The following BMP3 variants were observed in gnomAD, a reference collection of about 807,000 sequenced individuals.
BMP3 encodes bone morphogenetic protein 3 (osteogenic).
A neutral mutation model predicts 38.1 loss-of-function variants in BMP3; 23 were observed. That is an observed-to-expected ratio of 0.60 (90% CI 0.43 to 0.86). The LOEUF (loss-of-function observed/expected upper bound fraction) is 0.86. Among genes scored for constraint, BMP3 ranks in the 40% least tolerant of loss-of-function variants. The pLI is 0.00. For missense variants in BMP3, 628 were observed against 579.6 expected, an observed-to-expected ratio of 1.08 and a Z score of -0.86; for synonymous variants, 258 against 225.7, an observed-to-expected ratio of 1.14 and a Z score of -1.28.
At chr4:81,051,206 A>ATTT (rs1740393148) in intron 2 of BMP3, among the ~76,000 whole-genome samples, 1 of 152,136 alleles carries the variant, frequency 6.6e-6, no homozygotes, top group African/African-American at 2.4e-5. Flanking sequence ...TTCCTAGGAA[A>ATTT]CACCCATGAA....
intron 2 of BMP3, among the ~76,000 whole-genome samples, chr4:81,049,674 AAAAAG>A (rs2109911926): frequency 6.6e-6 from 1 of 152,278 alleles, no homozygotes; most frequent in South Asian, 2.1e-4. Flanking sequence ...TACGGTGACC[AAAAAG>A]ATGGGAAACA....
At chr4:81,032,660 G>T (rs1000641037) in intron 1 of BMP3, among the ~76,000 whole-genome samples, 9 of 152,316 alleles carry the variant, frequency 5.9e-5, no homozygotes, top group Non-Finnish European at 5.9e-5. Flanking sequence ...AGTCAATACT[G>T]TCAGAATCAC....
intron 1 of BMP3, among the ~76,000 whole-genome samples, chr4:81,044,713 G>A (rs1740184054): frequency 1.3e-5 from 2 of 152,058 alleles, no homozygotes; most frequent in Admixed American, 6.5e-5. Flanking sequence ...CCATATAAAT[G>A]GAATCAAACA....
At chr4:81,051,101 C>T (rs1740390754) in intron 2 of BMP3, among the ~76,000 whole-genome samples, 1 of 151,848 alleles carries the variant, frequency 6.6e-6, no homozygotes, top group African/African-American at 2.4e-5. Context: ...GGCTTCTGTC[C>T]AAATTCCAGT....
intron 1 of BMP3, among the ~76,000 whole-genome samples, chr4:81,032,594 T>C (rs1004064522): frequency 5.9e-5 from 9 of 152,264 alleles, no homozygotes; most frequent in African/African-American, 2.2e-4. Context: ...AAAGCCTGTC[T>C]TCAGTGAACA....
rs145297209 is a variant in BMP3 at position 81,046,464 on chromosome 4, C to G, written c.1043C>G (p.Thr348Arg). ...QRKGPHRKSQTLQFDEQTLKK... is the reference protein window; with the variant it reads ...QRKGPHRKSQRLQFDEQTLKK... Reference sequence around the variant, plus strand: ...AAGGGGCCTCATCGGAAGAGCCAGACGCTCCAATTTGATGAGCAGACCCTG... The same window carrying G: ...AAGGGGCCTCATCGGAAGAGCCAGAGGCTCCAATTTGATGAGCAGACCCTG... Residue 348 changes from threonine (T) to arginine (R), a missense_variant, in exon 2 of 3, where the codon ACG (threonine) becomes AGG (arginine). By Grantham distance (71) the Thr-to-Arg change is moderately conservative. Coordinates refer to ENST00000282701, the MANE Select transcript of BMP3 (RefSeq NM_001201.5). The G allele has an allele frequency of 6.2e-7, 1 of 1,613,976 alleles. No homozygotes were observed. The highest frequency in any genetic ancestry group is 1.1e-5 in the South Asian group (1 of 91,070).
chr4:81,032,194 CAAAAAAAAAAAAAA>C (rs5859748), intron 1 of BMP3, among the ~76,000 whole-genome samples: 2 of 74,036 alleles, frequency 2.7e-5, no homozygotes, highest in Non-Finnish European at 5.1e-5. Flanking sequence ...TCCTTAGTGG[CAAAAAAAAAAAAAA>C]AAAAAAAAAA....
In BMP3 at chr4:81,054,775, T is replaced by C. The variant is rs1479666806; in HGVS notation, c.*1239T>C. The C allele has an allele frequency of 6.6e-6, 1 of 152,216 alleles. No individual in the cohort carries two copies. Among genetic ancestry groups the C allele is most frequent in the Admixed American group, 6.5e-5 (1 of 15,274 alleles). 9.4% of individuals were successfully genotyped at this position (152,216 alleles called of 1,614,324 possible). On this transcript the variant is annotated 3_prime_UTR_variant, in exon 3 of 3. Coordinates refer to ENST00000282701, the MANE Select transcript of BMP3 (RefSeq NM_001201.5). The stretch of plus-strand genomic sequence containing the variant: ...TACATATATGTGTCCTCTTATAACT[T>C]TAGTCTTCAAAATTATTTCAATATC...
At position 81,030,794 on chromosome 4, in the gene BMP3, A is replaced by G. The variant is rs907016230; in HGVS notation, c.-491A>G. Among the ~76,000 whole-genome samples, 2 of 151,854 alleles carry G rather than the reference A, an allele frequency of 1.3e-5. No homozygotes were observed. The highest frequency in any genetic ancestry group is 4.8e-5 in the African/African-American group (2 of 41,352). On this transcript the variant is annotated 5_prime_UTR_variant, in exon 1 of 3. Coordinates refer to ENST00000282701, the MANE Select transcript of BMP3 (RefSeq NM_001201.5). Reference sequence around the variant, plus strand: ...ACACGTACACTAAAAAACTCGGACCAGCCGCGCCGCAGCTGCTCCAATCCC... The same window carrying G: ...ACACGTACACTAAAAAACTCGGACCGGCCGCGCCGCAGCTGCTCCAATCCC...
intron 2 of BMP3, among the ~76,000 whole-genome samples, chr4:81,051,509 A>G (rs1472321): frequency 1 from 152,047 of 152,234 alleles, 75,931 homozygotes; most frequent in Non-Finnish European, 1. Flanking sequence ...TGGAAAATCT[A>G]GTTTAAAAGT....
chr4:81,038,815 C>A (rs1285004367), intron 1 of BMP3, among the ~76,000 whole-genome samples: 1 of 152,158 alleles, frequency 6.6e-6, no homozygotes, highest in Non-Finnish European at 1.5e-5. Context: ...GTGCTCCAGG[C>A]TGTGTGAAGT....
rs1299596380 is a variant in BMP3, at chr4:81,040,263, G to A, written c.317-5475G>A. 2.6e-5 allele frequency among the ~76,000 whole-genome samples: 4 copies of A among 152,244 alleles called. No homozygotes were observed. The East Asian group carries it at 7.7e-4, about 29-fold the overall frequency. On this transcript the variant is annotated intron_variant, in intron 1 of 2. Transcript: ENST00000282701. The stretch of plus-strand genomic sequence containing the variant: ...ACCACCTATTGGTAGTCACATTTTG[G>A]CATCAAAATATTTCTTTGGGGAAAG...
Position 81,053,437 on chromosome 4 carries a change from A to G in BMP3, c.1320A>G (p.Glu440=), listed in dbSNP as rs1740449756. The change falls in exon 3 of 3, where the codon GAA becomes GAG. Residue 440 remains glutamate (E), a synonymous_variant. Coordinates refer to ENST00000282701, the MANE Select transcript of BMP3 (RefSeq NM_001201.5). ...PGIPEPCCVP[E]KMSSLSILFF... ...TTCCTGAGCCTTGCTGTGTACCAGA[A>G]AAGATGTCCTCACTCAGTATTTTAT... is the stretch of plus-strand genomic sequence containing the variant. The G allele has an allele frequency of 6.2e-7, 1 of 1,611,548 alleles. No homozygotes were observed. Among genetic ancestry groups the G allele is most frequent in the Admixed American group, 1.7e-5 (1 of 59,592 alleles).
At position 81,053,802 on chromosome 4, in the gene BMP3, C is replaced by A. The variant is rs1740471277; in HGVS notation, c.*266C>A. 4.2e-6 allele frequency: 1 copy of A among 239,074 alleles called. No individual in the cohort carries two copies. Among genetic ancestry groups the A allele is most frequent in the Non-Finnish European group, 8.0e-6 (1 of 125,224 alleles). 14.8% of individuals were successfully genotyped at this position (239,074 alleles called of 1,614,324 possible). On this transcript the variant is annotated 3_prime_UTR_variant, in exon 3 of 3. Transcript: ENST00000282701. ...TTTGTAATCAAACACAACAACTTAT[C>A]AAACTGTTTTTAGAACTGTTAGAGA...
chr4:81,043,181 T>A (rs762238329), intron 1 of BMP3, among the ~76,000 whole-genome samples: 165 of 152,232 alleles, frequency 1.1e-3, no homozygotes, highest in Admixed American at 2.0e-3. Flanking sequence ...CTGAAACAAA[T>A]ATGTATATGA....
intron 1 of BMP3, among the ~76,000 whole-genome samples, chr4:81,036,617 A>G (rs775363955): frequency 1.2e-4 from 18 of 152,046 alleles, no homozygotes; most frequent in Admixed American, 6.6e-4. Context: ...TCAGTTGAGT[A>G]AATTTTTATG....
Position 81,055,184 on chromosome 4 carries a change from G to GTT in BMP3, c.*1649_*1650insTT, listed in dbSNP as rs1334471069. On this transcript the variant is annotated 3_prime_UTR_variant, in exon 3 of 3. Coordinates refer to ENST00000282701, the MANE Select transcript of BMP3 (RefSeq NM_001201.5). The stretch of plus-strand genomic sequence containing the variant: ...TGATAGTGATAGATATAAAAACACT[G>GTT]TAAGTCCCTCTTTTAATAAACTAAA... 1 of 152,190 alleles carries GTT rather than the reference G, an allele frequency of 6.6e-6. No homozygotes were observed. Among genetic ancestry groups the GTT allele is most frequent in the African/African-American group, 2.4e-5 (1 of 41,442 alleles). The allele number at this position is 152,190 out of a possible 1,614,324, so 9.4% of individuals were successfully genotyped here. A position where few individuals can be genotyped will look rare whatever the true frequency, so the allele number is the denominator to read the frequency against.
Position 81,046,121 on chromosome 4 carries a change from C to A in BMP3, c.700C>A (p.Pro234Thr). The change falls in exon 2 of 3, where the codon CCT becomes ACT. Residue 234 changes from proline (P) to threonine (T), a missense_variant. Coordinates refer to ENST00000282701, the MANE Select transcript of BMP3 (RefSeq NM_001201.5). ...KGRQLPKRRL[P>T]FPEPYILVYA... ...ACGCCAGCTGCCAAAGAGGAGGTTA[C>A]CTTTTCCAGAGCCTTATATCTTGGT... The A allele has an allele frequency of 6.2e-7, 1 of 1,614,170 alleles. No individual in the cohort carries two copies.
rs376833257 is a variant in BMP3 at position 81,034,574 on chromosome 4, A to G, written c.316+2974A>G. 1.2e-4 allele frequency among the ~76,000 whole-genome samples: 18 copies of G among 152,272 alleles called. 1 individual carries two copies. In the South Asian group the frequency reaches 3.5e-3, roughly 30 times the overall value. On this transcript the variant is annotated intron_variant, in intron 1 of 2. Coordinates refer to ENST00000282701, the MANE Select transcript of BMP3 (RefSeq NM_001201.5). Reference sequence around the variant, plus strand: ...GACAAATATAATCTCTTTAGGAAAAACAATTAAAGCACACATGTTGTTAGG... The same window carrying G: ...GACAAATATAATCTCTTTAGGAAAAGCAATTAAAGCACACATGTTGTTAGG...
Sources: gnomAD v4.1 joint callset for allele counts (sites outside exome capture counted in the v4.1 genomes callset) on GRCh38, gnomAD v4.1.1 for gene constraint, MANE v1.5 for transcripts, NCBI Gene and HGNC (gene_info 2026-07-23, HGNC 2026-07-21) for gene names.